PCNT: variants seen among roughly 807,000 people sequenced by gnomAD.
PCNT encodes the protein pericentrin, also known as kendrin.
In PCNT, 319 loss-of-function variants were observed where a neutral mutation model predicts 380.4. The observed-to-expected ratio is 0.84, with a 90% CI of 0.77 to 0.92. The LOEUF is 0.92. Ranked by LOEUF, PCNT falls within the 40% of genes least tolerant of loss-of-function variation. The probability of loss-of-function intolerance (pLI) is 0.00; values close to 1 mark genes in which losing one functional copy is unlikely to be tolerated. For missense variants in PCNT, 4,400 were observed against 4,255.3 expected (o/e 1.03, Z -0.95); for synonymous variants, 1,845 against 1,735.2 (o/e 1.06, Z -1.57).
intron 15 of PCNT, among the ~76,000 whole-genome samples, chr21:46,368,540 C>G (rs972166939): frequency 6.6e-6 from 1 of 152,228 alleles, no homozygotes; most frequent in Admixed American, 6.5e-5. Context: ...TTGCCCTGGG[C>G]TGGCGCCTGA....
chr21:46,363,989 G>A, intron 14 of PCNT, 55 bp downstream of exon 14: 2 of 1,522,904 alleles, frequency 1.3e-6, no homozygotes, highest in South Asian at 1.1e-5. Flanking sequence ...ACCTTGGAGG[G>A]TAGAAGGTGG....
intron 33 of PCNT, 60 bp downstream of exon 33, chr21:46,426,031 C>T: frequency 2.7e-6 from 4 of 1,497,440 alleles, no homozygotes; most frequent in Non-Finnish European, 3.7e-6. Context: ...GTGGTAATGG[C>T]CGCGTCCTTA....
intron 4 of PCNT, among the ~76,000 whole-genome samples, 191 bp from the exon 5 acceptor site, chr21:46,346,552 G>T (rs937206073): frequency 5.3e-5 from 8 of 152,204 alleles, no homozygotes; most frequent in African/African-American, 1.7e-4. Flanking sequence ...GCGCTGTGGG[G>T]TCACTGGCAG....
intron 27 of PCNT, among the ~76,000 whole-genome samples, chr21:46,403,217 T>C (rs2086490605): frequency 7.2e-6 from 1 of 139,318 alleles, no homozygotes; most frequent in African/African-American, 2.6e-5. Flanking sequence ...ATCGTGTGTG[T>C]GTGGTGCCCA....
Position 46,443,769 on chromosome 21 carries a change from T to C in PCNT, c.9701-41T>C, listed in dbSNP as rs193147078. On this transcript the variant is annotated intron_variant, in intron 44 of 46. Coordinates refer to ENST00000359568, the MANE Select transcript of PCNT (RefSeq NM_006031.6). ...GGGCCTTTACTAAAATGCATTCATTTATTTTCCTAATCCCTTGGTTGTTAA... is the reference window on the plus strand; with the variant it reads ...GGGCCTTTACTAAAATGCATTCATTCATTTTCCTAATCCCTTGGTTGTTAA... 1.8e-3 allele frequency: 2,976 copies of C among 1,609,280 alleles called. 11 individuals are homozygous for C. The highest frequency in any genetic ancestry group is 7.6e-3 in the Middle Eastern group (44 of 5,824).
chr21:46,443,718 C>T lies in PCNT; in HGVS notation c.9701-92C>T, dbSNP rs1008070378. 9 of 1,248,266 alleles carry T rather than the reference C, an allele frequency of 7.2e-6. No individual in the cohort carries two copies. The Admixed American group carries it at 1.3e-4, about 19-fold the overall frequency. The allele number at this position is 1,248,266 out of a possible 1,614,324, so 77.3% of individuals were successfully genotyped here. A position where few individuals can be genotyped will look rare whatever the true frequency, so the allele number is the denominator to read the frequency against. On this transcript the variant is annotated intron_variant, in intron 44 of 46. Coordinates refer to ENST00000359568, the MANE Select transcript of PCNT (RefSeq NM_006031.6). The stretch of plus-strand genomic sequence containing the variant: ...AAATTGCCATACAGGCTCTTAAAAG[C>T]TTATACGTTTAAACTGTTGATAGAT...
chr21:46,426,074 T>C (rs1284012075), intron 33 of PCNT, 103 bp downstream of exon 33: 52 of 846,110 alleles, frequency 6.1e-5, no homozygotes, highest in Non-Finnish European at 7.3e-5. Flanking sequence ...TCTTTCTTTT[T>C]TTTTTTTTTT....
rs553205944 is a variant in PCNT at position 46,418,370 on chromosome 21, A to G, written c.7024+64A>G. On this transcript the variant is annotated intron_variant, in intron 31 of 46. Coordinates refer to ENST00000359568, the MANE Select transcript of PCNT (RefSeq NM_006031.6). ...GTGGTTTCCTAGCACAGAATAGTCA[A>G]AAGAATTCCTGCATCCTTTGCCTGG... 2.3e-4 allele frequency: 225 copies of G among 981,624 alleles called. 2 individuals are homozygous for G. Among genetic ancestry groups the G allele is most frequent in the Admixed American group, 1.5e-3 (80 of 53,494 alleles). The allele number at this position is 981,624 out of a possible 1,614,324, so 60.8% of individuals were successfully genotyped here.
chr21:46,443,732 CTG>C lies in PCNT; in HGVS notation c.9701-76_9701-75del. ...GCTCTTAAAAGCTTATACGTTTAAA[CTG>C]TTGATAGATGGGCCTTTACTAAAAT... On this transcript the variant is annotated intron_variant, in intron 44 of 46. Coordinates refer to ENST00000359568, the MANE Select transcript of PCNT (RefSeq NM_006031.6). 2.9e-6 allele frequency: 4 copies of C among 1,386,908 alleles called. 1 individual carries two copies. The South Asian group carries it at 4.6e-5, about 16-fold the overall frequency. 85.9% of individuals were successfully genotyped at this position (1,386,908 alleles called of 1,614,324 possible). A position where few individuals can be genotyped will look rare whatever the true frequency, so the allele number is the denominator to read the frequency against.
chr21:46,358,983 T>C (rs2084585776), intron 13 of PCNT, among the ~76,000 whole-genome samples: 2 of 151,428 alleles, frequency 1.3e-5, no homozygotes, highest in African/African-American at 4.9e-5. Context: ...TTTTTTTTTG[T>C]ATCTTTAGTA....
At position 46,401,927 on chromosome 21, in the gene PCNT, T is replaced by C. The variant is rs189224069; in HGVS notation, c.4962+206T>C. ...GTGCAATGGTGCAGTCTCGGCTCAC[T>C]GCAACCTCCGCCTCCTGGGTTCAAG... On this transcript the variant is annotated intron_variant, in intron 26 of 46. Transcript: ENST00000359568. 3.2e-3 allele frequency among the ~76,000 whole-genome samples: 488 copies of C among 152,352 alleles called. 5 individuals are homozygous for C. Among genetic ancestry groups the C allele is most frequent in the African/African-American group, 0.01 (416 of 41,576 alleles).
rs1206275995 is a variant in PCNT at position 46,436,154 on chromosome 21, C to A, written c.8996+6C>A. 1 of 1,604,632 alleles carries A rather than the reference C, an allele frequency of 6.2e-7. No homozygotes were observed. Among genetic ancestry groups the A allele is most frequent in the Non-Finnish European group, 8.5e-7 (1 of 1,179,726 alleles). Reference sequence around the variant, plus strand: ...ACCAGCCAGGCCGTGGACAGGTGTGCACCCACGCCACCTGGCGCTCACTGG... The same window carrying A: ...ACCAGCCAGGCCGTGGACAGGTGTGAACCCACGCCACCTGGCGCTCACTGG... On this transcript the variant is annotated splice_donor_region_variant and intron_variant, in intron 39 of 46. Coordinates refer to ENST00000359568, the MANE Select transcript of PCNT (RefSeq NM_006031.6).
At chr21:46,353,930 C>T (rs1379102593) in intron 10 of PCNT, 57 bp from the exon 11 acceptor site, 72 of 1,432,242 alleles carry the variant, frequency 5.0e-5, no homozygotes, top group Non-Finnish European at 6.4e-5. Context: ...GAGGGAATGG[C>T]GCACACATGG....
At position 46,407,578 on chromosome 21, in the gene PCNT, C is replaced by T. The variant is rs865832784; in HGVS notation, c.5116-3611C>T. 6.6e-5 allele frequency among the ~76,000 whole-genome samples: 10 copies of T among 152,000 alleles called. No homozygotes were observed. The East Asian group carries it at 7.7e-4, about 12-fold the overall frequency. ...CAGGATGGTCTCGATCTCCTGACCT[C>T]GTGATCCGCCCGACTCGGCCTCCCA... On this transcript the variant is annotated intron_variant, in intron 27 of 46. Coordinates refer to ENST00000359568, the MANE Select transcript of PCNT (RefSeq NM_006031.6).
At chr21:46,370,402 C>A (rs752439773) in intron 15 of PCNT, among the ~76,000 whole-genome samples, 2 of 143,296 alleles carry the variant, frequency 1.4e-5, no homozygotes, top group African/African-American at 5.3e-5. Context: ...GTGCGGGGGT[C>A]GGGGAGGCTG....
Position 46,399,633 on chromosome 21 carries a change from T to TTAA in PCNT, c.4630_4632dup (p.Asn1544dup). On this transcript the variant is annotated inframe_insertion, in exon 25 of 47. Coordinates refer to ENST00000359568, the MANE Select transcript of PCNT (RefSeq NM_006031.6). ...AAGTTGAGAGAAAAGTTGGATGAAT[T>TTAA]TAATGAATTGGCTATACAGAAAGAG... is the stretch of plus-strand genomic sequence containing the variant. 6.2e-7 allele frequency: 1 copy of TTAA among 1,614,014 alleles called. No individual in the cohort carries two copies. Among genetic ancestry groups the TTAA allele is most frequent in the East Asian group, 2.2e-5 (1 of 44,894 alleles).
chr21:46,422,585 T>G (rs1399565890), intron 32 of PCNT, among the ~76,000 whole-genome samples: 1 of 152,238 alleles, frequency 6.6e-6, no homozygotes, highest in Non-Finnish European at 1.5e-5. Context: ...TTTCATAGGT[T>G]TTCTTTCCTC....
At chr21:46,394,626 G>C (rs2086147091) in intron 21 of PCNT, 1 of 454,926 alleles carries the variant, frequency 2.2e-6, no homozygotes, top group Non-Finnish European at 2.9e-6. Flanking sequence ...AAGTACTTCA[G>C]ACCTTTTGTG....
At chr21:46,396,729 G>A (rs1298613904) in intron 21 of PCNT, among the ~76,000 whole-genome samples, 1 of 151,964 alleles carries the variant, frequency 6.6e-6, no homozygotes, top group Non-Finnish European at 1.5e-5. Context: ...TCAGCCTCCC[G>A]AGTAGCTGGG....
Sources: gnomAD v4.1 joint callset for allele counts (sites outside exome capture counted in the v4.1 genomes callset) on GRCh38, gnomAD v4.1.1 for gene constraint, MANE v1.5 for transcripts, NCBI Gene and HGNC (gene_info 2026-07-23, HGNC 2026-07-21) for gene names.